KDM4B: variants seen among roughly 807,000 people sequenced by gnomAD.
KDM4B encodes the protein lysine demethylase 4B.
In KDM4B, 32 loss-of-function variants were observed where a neutral mutation model predicts 125.2. The observed-to-expected ratio is 0.26, with a 90% CI of 0.19 to 0.34. The LOEUF (loss-of-function observed/expected upper bound fraction) is 0.34. Ranked by LOEUF, KDM4B falls within the 10% of genes least tolerant of loss-of-function variation. KDM4B has a pLI of 1.00. For synonymous variants in KDM4B, 721 were observed against 677.9 expected (o/e 1.06, Z -0.99); for missense variants, 1,190 against 1,577.7 (o/e 0.75, Z 4.16).
At chr19:5,138,293 G>A (rs2039684468) in intron 18 of KDM4B, 5 of 563,718 alleles carry the variant, frequency 8.9e-6, no homozygotes, top group South Asian at 8.2e-5. Context: ...AGGCATCAAG[G>A]GTGGCAGAGA....
chr19:5,061,356 A>C (rs1321913569), intron 6 of KDM4B, among the ~76,000 whole-genome samples: 1 of 152,242 alleles, frequency 6.6e-6, no homozygotes, highest in African/African-American at 2.4e-5. Context: ...TAAGATACCA[A>C]ATTCCATCAT....
chr19:5,021,643 T>G (rs2036124531), intron 2 of KDM4B, among the ~76,000 whole-genome samples: 3 of 150,084 alleles, frequency 2.0e-5, no homozygotes, highest in Admixed American at 2.0e-4. Context: ...CAGGTTTTTT[T>G]TTTTTTTTTT....
At chr19:5,088,998 G>A (rs1042498395) in intron 9 of KDM4B, among the ~76,000 whole-genome samples, 2 of 152,234 alleles carry the variant, frequency 1.3e-5, no homozygotes, top group African/African-American at 4.8e-5. Context: ...TGAAATGTCC[G>A]GGACAAGCCA....
Position 5,041,390 on chromosome 19 carries a change from G to C in KDM4B, c.432+139G>C, listed in dbSNP as rs577581339. The C allele has an allele frequency of 6.3e-5, 38 of 604,120 alleles. No homozygotes were observed. The African/African-American group carries it at 6.6e-4, about 10-fold the overall frequency. The allele number at this position is 604,120 out of a possible 1,614,324, so 37.4% of individuals were successfully genotyped here. A position where few individuals can be genotyped will look rare whatever the true frequency, so the allele number is the denominator to read the frequency against. On this transcript the variant is annotated intron_variant, in intron 5 of 22. Transcript: ENST00000159111. ...ACCCCCTCGCCCAGGCTCTGGATGC[G>C]GGCCTCGCCCTGTGGTGACGAAAGA...
At chr19:5,057,042 G>A (rs2037426246) in intron 6 of KDM4B, among the ~76,000 whole-genome samples, 1 of 137,436 alleles carries the variant, frequency 7.3e-6, no homozygotes, top group South Asian at 2.3e-4. Context: ...GTGTGTGTGT[G>A]TGTGTGTGTG....
At position 5,077,353 on chromosome 19, in the gene KDM4B, C is replaced by G. The variant is rs371196123; in HGVS notation, c.677-14C>G. The G allele has an allele frequency of 1.9e-5, 31 of 1,610,274 alleles. No individual in the cohort carries two copies. The highest frequency in any genetic ancestry group is 2.3e-5 in the Non-Finnish European group (27 of 1,178,768). ...TGTGGCCCAGGAGACTGACGTCTGT[C>G]TTTTCGGCCCTAGGCTTCTTCCCCG... On this transcript the variant is annotated splice_polypyrimidine_tract_variant and intron_variant, in intron 7 of 22. Transcript: ENST00000159111.
intron 1 of KDM4B, among the ~76,000 whole-genome samples, chr19:4,993,303 G>A (rs980109267): frequency 1.3e-5 from 2 of 152,052 alleles, no homozygotes; most frequent in Admixed American, 6.6e-5. Context: ...CAGCTACTCG[G>A]GAGGCTGAGG....
At chr19:5,135,939 T>C (rs564825791) in intron 15 of KDM4B, among the ~76,000 whole-genome samples, 1 of 152,176 alleles carries the variant, frequency 6.6e-6, no homozygotes, top group Non-Finnish European at 1.5e-5. Context: ...GGCACTGGGC[T>C]CATCCCACCC....
intron 9 of KDM4B, among the ~76,000 whole-genome samples, chr19:5,109,877 C>T (rs2039106988): frequency 6.6e-6 from 1 of 152,230 alleles, no homozygotes; most frequent in Non-Finnish European, 1.5e-5. Flanking sequence ...TTCTTCCCAG[C>T]CCTCTTGGAA....
chr19:5,021,321 G>A (rs567466086), intron 2 of KDM4B, among the ~76,000 whole-genome samples: 1 of 152,124 alleles, frequency 6.6e-6, no homozygotes, highest in Non-Finnish European at 1.5e-5. Flanking sequence ...GGGCATGGCA[G>A]CTCATGCCTG....
At chr19:5,139,520 G>A (rs1206963923) in intron 18 of KDM4B, among the ~76,000 whole-genome samples, 2 of 152,204 alleles carry the variant, frequency 1.3e-5, no homozygotes, top group East Asian at 1.9e-4. Flanking sequence ...CCTTGCGGCT[G>A]GACGGACTCC....
chr19:5,116,395 G>A (rs1568307299), intron 10 of KDM4B, among the ~76,000 whole-genome samples: 1 of 152,194 alleles, frequency 6.6e-6, no homozygotes. Context: ...TAGCCAAATT[G>A]TCAAGAAATG....
At chr19:5,123,786 C>T (rs1271407709) in intron 11 of KDM4B, among the ~76,000 whole-genome samples, 2 of 152,196 alleles carry the variant, frequency 1.3e-5, no homozygotes, top group Non-Finnish European at 2.9e-5. Context: ...GGGCTGGCTG[C>T]GGTAGCCAGG....
intron 6 of KDM4B, among the ~76,000 whole-genome samples, chr19:5,059,054 C>T (rs373274535): frequency 2.0e-5 from 3 of 152,184 alleles, no homozygotes; most frequent in East Asian, 1.9e-4. Context: ...CCACTGCAGC[C>T]GGCGAGGCTG....
In KDM4B at chr19:5,045,740, C is replaced by T. The variant is rs141899631; in HGVS notation, c.433-1736C>T. Among the ~76,000 whole-genome samples the T allele has an allele frequency of 7.2e-3, 1,087 of 151,766 alleles. 11 individuals are homozygous for T. Among genetic ancestry groups the T allele is most frequent in the African/African-American group, 0.025 (1,033 of 41,368 alleles). ...TGCCCGCCTTGGCCTCCCAAAGTGC[C>T]GGGATTTACAGGCATGAGCCACCAT... On this transcript the variant is annotated intron_variant, in intron 5 of 22. Transcript: ENST00000159111.
rs1393438649 is a variant in KDM4B at position 5,081,592 on chromosome 19, A to G, written c.781-775A>G. ...GGGGGTCCTGCTTCAGAGACCTGCA[A>G]AGTCGAATGGGCCGAACATCCGAAT... On this transcript the variant is annotated intron_variant, in intron 8 of 22. Coordinates refer to ENST00000159111, the MANE Select transcript of KDM4B (RefSeq NM_015015.3). This position sits in a 1 kb window ranked among gnomAD's most constrained non-coding sequence, Gnocchi z 4.2. Among the ~76,000 whole-genome samples the G allele has an allele frequency of 6.6e-6, 1 of 152,126 alleles. No homozygotes were observed. The highest frequency in any genetic ancestry group is 6.5e-5 in the Admixed American group (1 of 15,278).
At chr19:5,085,964 T>C (rs2620801) in intron 9 of KDM4B, among the ~76,000 whole-genome samples, 151,479 of 152,282 alleles carry the variant, frequency 0.99, 75,347 homozygotes, top group East Asian at 1. Context: ...CGGGCCTTGT[T>C]CAGATCTTGT....
chr19:5,150,987 GGC>G (rs1281330496), intron 22 of KDM4B, among the ~76,000 whole-genome samples: 1 of 152,250 alleles, frequency 6.6e-6, no homozygotes, highest in African/African-American at 2.4e-5. Flanking sequence ...AGAGGCGAGA[GGC>G]GAGGTGTTGA....
intron 1 of KDM4B, among the ~76,000 whole-genome samples, chr19:5,004,543 G>A (rs959072705): frequency 5.3e-5 from 8 of 152,144 alleles, no homozygotes; most frequent in African/African-American, 1.7e-4. Flanking sequence ...GGGGACGCTC[G>A]GCAGTGTCTA....
Sources: gnomAD v4.1 joint callset for allele counts (sites outside exome capture counted in the v4.1 genomes callset) on GRCh38, gnomAD v4.1.1 for gene constraint, Gnocchi (gnomAD v3.1) non-coding constraint, MANE v1.5 for transcripts, NCBI Gene and HGNC (gene_info 2026-07-23, HGNC 2026-07-21) for gene names.